FER: variants seen among roughly 807,000 people sequenced by gnomAD.
FER encodes the protein FER tyrosine kinase.
Under a neutral mutation model 111.0 loss-of-function variants are expected in FER, and 63 were observed. The observed-to-expected ratio is 0.57, with a 90% CI of 0.46 to 0.70. The LOEUF (loss-of-function observed/expected upper bound fraction) is 0.70. FER is among the 30% of genes least tolerant of loss of function. The pLI, the probability that FER is intolerant of heterozygous loss-of-function variation, is 0.00. For missense variants in FER, 914 were observed against 954.0 expected, an observed-to-expected ratio of 0.96 and a Z score of 0.55; for synonymous variants, 327 against 313.9, an observed-to-expected ratio of 1.04 and a Z score of -0.44.
chr5:108,901,608 C>T (rs1242090293), intron 10 of FER, among the ~76,000 whole-genome samples: 2 of 152,102 alleles, frequency 1.3e-5, no homozygotes, highest in Non-Finnish European at 2.9e-5. Context: ...TTTGTGTCTA[C>T]CACAGAAATA....
chr5:108,867,863 A>G lies in FER; in HGVS notation c.578A>G (p.Gln193Arg). 6.2e-7 allele frequency: 1 copy of G among 1,613,374 alleles called. No individual in the cohort carries two copies. ...TATGTATTGGCGTTGAAAGGGGCAC[A>G]GCTCCATCAGAATCAGTATTATGAT... ...NQYVLALKGA[Q>R]LHQNQYYDIT... The change falls in exon 6 of 20, where the codon CAG becomes CGG. Residue 193 changes from glutamine (Q) to arginine (R), a missense_variant. Around this residue, in one of 3 missense-constraint regions of FER, gnomAD observed 774 missense variants for 782.6 expected, o/e 0.99. Coordinates refer to ENST00000281092, the MANE Select transcript of FER (RefSeq NM_005246.4).
At chr5:108,962,771 G>T (rs1398156513) in intron 13 of FER, among the ~76,000 whole-genome samples, 1 of 152,078 alleles carries the variant, frequency 6.6e-6, no homozygotes, top group African/African-American at 2.4e-5. Flanking sequence ...TATTGTTGCT[G>T]TTATTGCTAT....
At chr5:108,995,264 T>C (rs1274802686) in intron 13 of FER, among the ~76,000 whole-genome samples, 1 of 152,152 alleles carries the variant, frequency 6.6e-6, no homozygotes, top group African/African-American at 2.4e-5. Flanking sequence ...ATGGCTTTTC[T>C]TTTCTTTTTT....
intron 10 of FER, among the ~76,000 whole-genome samples, chr5:108,919,031 T>C (rs1193126060): frequency 6.6e-6 from 1 of 152,212 alleles, no homozygotes; most frequent in Non-Finnish European, 1.5e-5. Flanking sequence ...AGATAATTTC[T>C]GTGTTAAAAA....
chr5:109,072,654 A>G (rs1233291554), intron 16 of FER, among the ~76,000 whole-genome samples: 4 of 152,016 alleles, frequency 2.6e-5, no homozygotes, highest in African/African-American at 9.7e-5. Flanking sequence ...CTCAAAGGAA[A>G]TATAAGGTCT....
At chr5:109,146,177 C>CA (rs959308344) in intron 17 of FER, among the ~76,000 whole-genome samples, 2 of 112,430 alleles carry the variant, frequency 1.8e-5, no homozygotes, top group African/African-American at 6.8e-5. Flanking sequence ...AATTTTGCAG[C>CA]AAAAAAATAC....
In FER at chr5:108,781,443, C is replaced by T. The variant is rs377595312; in HGVS notation, c.-60+13205C>T. 1.7e-4 allele frequency among the ~76,000 whole-genome samples: 26 copies of T among 152,308 alleles called. 1 individual carries two copies. In the East Asian group the frequency reaches 1.9e-3, roughly 11 times the overall value. On this transcript the variant is annotated intron_variant, in intron 2 of 19. Transcript: ENST00000281092. ...CTGACCTCAGGTGATCCACCTGCCTCGGCCTCCCAAAGTGCTGGGATTACA... is the reference window on the plus strand; with the variant it reads ...CTGACCTCAGGTGATCCACCTGCCTTGGCCTCCCAAAGTGCTGGGATTACA...
chr5:109,095,712 A>G (rs898367686), intron 16 of FER, among the ~76,000 whole-genome samples: 3 of 152,116 alleles, frequency 2.0e-5, no homozygotes, highest in African/African-American at 7.2e-5. Context: ...AACAGCCATA[A>G]TTCTCATCAC....
intron 2 of FER, among the ~76,000 whole-genome samples, chr5:108,779,138 A>G (rs1753786921): frequency 6.7e-6 from 1 of 150,234 alleles, no homozygotes. Context: ...CTATTTGTAT[A>G]CTCTCTATTC....
At chr5:108,748,412 G>A (rs79536589) in intron 1 of FER, 11,096 of 152,308 alleles carry the variant, frequency 0.073, 494 homozygotes, top group Middle Eastern at 0.088. Flanking sequence ...TCCGGCTGCC[G>A]ACCCGCCGAG....
chr5:109,078,242 C>G (rs560606000), intron 16 of FER, among the ~76,000 whole-genome samples: 1 of 152,128 alleles, frequency 6.6e-6, no homozygotes, highest in Admixed American at 6.6e-5. Context: ...CTCAAGGATA[C>G]GTCCATGGAA....
At chr5:108,767,807 T>G (rs1744077513) in intron 1 of FER, among the ~76,000 whole-genome samples, 1 of 152,190 alleles carries the variant, frequency 6.6e-6, no homozygotes, top group Admixed American at 6.5e-5. Flanking sequence ...GTTAGTTTTA[T>G]GATGTAAACG....
chr5:108,937,832 T>C (rs536505887), intron 10 of FER, among the ~76,000 whole-genome samples: 15 of 151,906 alleles, frequency 9.9e-5, no homozygotes, highest in African/African-American at 3.6e-4. Flanking sequence ...AAGAGCAGAT[T>C]GAGGAATGAG....
At chr5:109,073,668 C>A (rs1341326415) in intron 16 of FER, among the ~76,000 whole-genome samples, 1 of 152,106 alleles carries the variant, frequency 6.6e-6, no homozygotes, top group Non-Finnish European at 1.5e-5. Flanking sequence ...AATGATTACA[C>A]TTTTCCCTTC....
intron 11 of FER, among the ~76,000 whole-genome samples, chr5:108,947,249 A>G (rs1030465455): frequency 6.6e-6 from 1 of 152,002 alleles, no homozygotes; most frequent in African/African-American, 2.4e-5. Context: ...ATAATTCTCT[A>G]TTTAAGCTTT....
chr5:109,107,895 A>G (rs1184885684), intron 17 of FER, among the ~76,000 whole-genome samples: 2 of 152,190 alleles, frequency 1.3e-5, no homozygotes, highest in African/African-American at 4.8e-5. Context: ...ATCTGCAGGT[A>G]ATTAATTAGT....
At chr5:109,096,511 A>G (rs1222193580) in intron 16 of FER, among the ~76,000 whole-genome samples, 1 of 151,946 alleles carries the variant, frequency 6.6e-6, no homozygotes, top group Admixed American at 6.6e-5. Context: ...CCGTGAATGC[A>G]TCTTAGGATG....
intron 13 of FER, among the ~76,000 whole-genome samples, chr5:108,985,393 G>T (rs1375987727): frequency 2.0e-5 from 3 of 151,946 alleles, no homozygotes; most frequent in Admixed American, 6.6e-5. Flanking sequence ...TAACCTGATA[G>T]TCACTATTTG....
chr5:109,051,692 C>T (rs1283188494), intron 16 of FER: 19 of 1,564,032 alleles, frequency 1.2e-5, no homozygotes, highest in Middle Eastern at 1.7e-4. Flanking sequence ...CAGTCTTTGG[C>T]GGGGCTCAGC....
Sources: gnomAD v4.1 joint callset for allele counts (sites outside exome capture counted in the v4.1 genomes callset) on GRCh38, gnomAD v4.1.1 for gene constraint, gnomAD v4.1.1 regional missense constraint, MANE v1.5 for transcripts, NCBI Gene and HGNC (gene_info 2026-07-23, HGNC 2026-07-21) for gene names.